The following ACACA variants were observed in gnomAD, a reference collection of about 807,000 sequenced individuals.
The protein encoded by ACACA is acetyl-CoA carboxylase 1.
A neutral mutation model predicts 296.1 loss-of-function variants in ACACA; 103 were observed. The ratio of observed to expected loss-of-function variants is 0.35; its 90% CI spans 0.30 to 0.41. ACACA has a LOEUF of 0.41. Among genes scored for constraint, ACACA ranks in the 10% least tolerant of loss-of-function variants. The pLI is 1.00. For missense variants in ACACA, 1,554 were observed against 2,989.7 expected, an observed-to-expected ratio of 0.52 and a Z score of 11.20; for synonymous variants, 953 against 1,038.6, an observed-to-expected ratio of 0.92 and a Z score of 1.58.
intron 10 of ACACA, among the ~76,000 whole-genome samples, chr17:37,266,827 ATTAT>A (rs1300915179): frequency 6.6e-6 from 1 of 152,202 alleles, no homozygotes; most frequent in Non-Finnish European, 1.5e-5. Context: ...CATTAAATAT[ATTAT>A]TTGTCTTCCA....
At chr17:37,095,219 C>T (rs1305472838) in intron 54 of ACACA, among the ~76,000 whole-genome samples, 7 of 152,204 alleles carry the variant, frequency 4.6e-5, no homozygotes, top group Non-Finnish European at 7.3e-5. Context: ...ACCTAGCCGG[C>T]CACTCTTAAC....
intron 3 of ACACA, among the ~76,000 whole-genome samples, chr17:37,309,861 G>A (rs1312476660): frequency 1.3e-5 from 2 of 151,862 alleles, no homozygotes; most frequent in African/African-American, 4.8e-5. Context: ...AGACCAGCCT[G>A]GGCCACATAG....
At chr17:37,347,237 T>C (rs2048667740) in intron 1 of ACACA, among the ~76,000 whole-genome samples, 1 of 152,154 alleles carries the variant, frequency 6.6e-6, no homozygotes, top group South Asian at 2.1e-4. Flanking sequence ...CTTCCATCCA[T>C]GTAAAACATG....
chr17:37,251,155 AG>A (rs2080974552), intron 16 of ACACA, among the ~76,000 whole-genome samples: 1 of 152,238 alleles, frequency 6.6e-6, no homozygotes, highest in South Asian at 2.1e-4. Context: ...CTATTTAACT[AG>A]GTTACAGATT....
intron 17 of ACACA, 26 bp downstream of exon 17, chr17:37,248,567 G>A: frequency 6.5e-7 from 1 of 1,535,654 alleles, no homozygotes; most frequent in Non-Finnish European, 9.0e-7. Context: ...AAAGTAAGGT[G>A]CAAGCTCCAA....
intron 2 of ACACA, among the ~76,000 whole-genome samples, chr17:37,331,601 T>A (rs1321653793): frequency 6.6e-6 from 1 of 151,752 alleles, no homozygotes; most frequent in Non-Finnish European, 1.5e-5. Context: ...AGAGATGGAG[T>A]TTCACTATCT....
intron 3 of ACACA, among the ~76,000 whole-genome samples, chr17:37,293,560 T>TTTTG (rs2083179651): frequency 6.8e-6 from 1 of 147,278 alleles, no homozygotes. Flanking sequence ...TTTTTTTTTT[T>TTTTG]GTGACAGAGT....
At chr17:37,219,127 G>A (rs751140284) in intron 29 of ACACA, among the ~76,000 whole-genome samples, 1 of 152,192 alleles carries the variant, frequency 6.6e-6, no homozygotes, top group African/African-American at 2.4e-5. Flanking sequence ...TCTGGGAGGG[G>A]AGATTGAGTT....
intron 1 of ACACA, among the ~76,000 whole-genome samples, chr17:37,349,495 C>G (rs896036619): frequency 6.8e-6 from 1 of 146,758 alleles, no homozygotes; most frequent in South Asian, 2.1e-4. Context: ...TAAGATATAT[C>G]TTACATATAT....
At chr17:37,145,792 C>T (rs1026367832) in intron 45 of ACACA, among the ~76,000 whole-genome samples, 5 of 152,222 alleles carry the variant, frequency 3.3e-5, no homozygotes, top group African/African-American at 1.2e-4. Context: ...TTCTAATCAC[C>T]AGCCTACTGC....
intron 37 of ACACA, 109 bp downstream of exon 37, chr17:37,191,981 C>CT (rs1210749766): frequency 4.2e-5 from 48 of 1,146,954 alleles, no homozygotes; most frequent in South Asian, 6.9e-5. Context: ...AAAACCTGAT[C>CT]TTTTTTTTAT....
chr17:37,299,749 A>G, intron 3 of ACACA: 4 of 1,000,686 alleles, frequency 4.0e-6, no homozygotes, highest in Non-Finnish European at 4.8e-6. Flanking sequence ...GAAAAGCTCC[A>G]CTGCCTCTCC....
At chr17:37,135,873 G>A (rs935251497) in intron 45 of ACACA, among the ~76,000 whole-genome samples, 1 of 151,918 alleles carries the variant, frequency 6.6e-6, no homozygotes, top group Non-Finnish European at 1.5e-5. Flanking sequence ...TGTAGGTAGG[G>A]ACTTGAGATT....
chr17:37,251,880 A>C (rs1417820764), intron 16 of ACACA, 125 bp downstream of exon 16: 1 of 910,028 alleles, frequency 1.1e-6, no homozygotes, highest in Non-Finnish European at 1.8e-6. Context: ...ACCATGGTCC[A>C]TGAATAACAA....
At chr17:37,181,046 A>C (rs1178850894) in intron 40 of ACACA, among the ~76,000 whole-genome samples, 155 bp downstream of exon 40, 1 of 152,228 alleles carries the variant, frequency 6.6e-6, no homozygotes, top group Non-Finnish European at 1.5e-5. Context: ...CTGAGTTGGC[A>C]GTCACCAATC....
intron 16 of ACACA, among the ~76,000 whole-genome samples, chr17:37,251,561 G>A (rs1463985840): frequency 6.6e-6 from 1 of 152,130 alleles, no homozygotes; most frequent in Non-Finnish European, 1.5e-5. Flanking sequence ...TAGCCCCATA[G>A]ATGTCTGACC....
chr17:37,387,100 G>A (rs1282296308), intron 1 of ACACA, among the ~76,000 whole-genome samples: 2 of 151,318 alleles, frequency 1.3e-5, no homozygotes, highest in African/African-American at 4.9e-5. Context: ...TACAGGCATT[G>A]CCCACCACGC....
At position 37,147,599 on chromosome 17, in the gene ACACA, A is replaced by T. The variant is rs1013585474; in HGVS notation, c.5679+2265T>A. Among the ~76,000 whole-genome samples, 6 of 152,340 alleles carry T rather than the reference A, an allele frequency of 3.9e-5. No homozygotes were observed. In the East Asian group the frequency reaches 1.2e-3, roughly 29 times the overall value. ...AATAGGATATTCTGAACGAATTTGCATAAAATCGGGTGTCTTCAGCAGCAC... is the reference window on the plus strand; with the variant it reads ...AATAGGATATTCTGAACGAATTTGCTTAAAATCGGGTGTCTTCAGCAGCAC... On this transcript the variant is annotated intron_variant, in intron 45 of 55. Transcript: ENST00000616317.
intron 54 of ACACA, among the ~76,000 whole-genome samples, chr17:37,092,165 A>G: frequency 6.6e-6 from 1 of 151,562 alleles, no homozygotes; most frequent in East Asian, 2.0e-4. Context: ...CTATAGTCCC[A>G]GCTACTTGGG....
Sources: gnomAD v4.1 joint callset for allele counts (sites outside exome capture counted in the v4.1 genomes callset) on GRCh38, gnomAD v4.1.1 for gene constraint, MANE v1.5 for transcripts, NCBI Gene and HGNC (gene_info 2026-07-23, HGNC 2026-07-21) for gene names.